PRSS36: variants seen among roughly 807,000 people sequenced by gnomAD.
The protein encoded by PRSS36 is polyserase-2.
PRSS36 carries 90 observed loss-of-function variants against 94.3 expected under a neutral mutation model. The ratio of observed to expected loss-of-function variants is 0.95; its 90% CI spans 0.80 to 1.14. The LOEUF (loss-of-function observed/expected upper bound fraction) is 1.14. Among genes scored for constraint, PRSS36 ranks in the 50% most tolerant of loss-of-function variants. PRSS36 has a pLI of 0.00. For synonymous variants in PRSS36, 500 were observed against 489.6 expected, an observed-to-expected ratio of 1.02 and a Z score of -0.28; for missense variants, 1,158 against 1,135.0, an observed-to-expected ratio of 1.02 and a Z score of -0.29.
rs1177231475 is a variant in PRSS36, at chr16:31,141,548, G to A, written c.1822C>T (p.His608Tyr). ...GVLWPWLAEV[H>Y]VAGDRVCTGI... Reference sequence around the variant, plus strand: ...GTGCAGACTCGATCACCAGCCACATGCACCTCTGCCAGCCAGGGCCACAGG... The same window carrying A: ...GTGCAGACTCGATCACCAGCCACATACACCTCTGCCAGCCAGGGCCACAGG... The change falls in exon 12 of 15, where the codon CAT becomes TAT. Residue 608 changes from histidine (H) to tyrosine (Y), a missense_variant. His to Tyr is a moderately conservative substitution (Grantham distance 83). Transcript: ENST00000268281. 1.2e-6 allele frequency: 2 copies of A among 1,613,352 alleles called. No individual in the cohort carries two copies. Among genetic ancestry groups the A allele is most frequent in the South Asian group, 1.1e-5 (1 of 91,080 alleles).
At chr16:31,143,879 C>G (rs779083237) in intron 6 of PRSS36, 42 bp from the exon 7 acceptor site, 1 of 1,608,430 alleles carries the variant, frequency 6.2e-7, no homozygotes, top group Non-Finnish European at 8.5e-7. Context: ...AGCCCAGGGA[C>G]CTACTCGAAA....
At chr16:31,142,258 C>G (rs1282632423) in intron 10 of PRSS36, among the ~76,000 whole-genome samples, 1 of 152,148 alleles carries the variant, frequency 6.6e-6, no homozygotes, top group Admixed American at 6.5e-5. Flanking sequence ...GCTTCCACCC[C>G]GGCTCCGCCC....
Position 31,139,128 on chromosome 16 carries a change from C to A in PRSS36, c.*10G>T. 6.5e-7 allele frequency: 1 copy of A among 1,538,398 alleles called. No individual in the cohort carries two copies. Among genetic ancestry groups the A allele is most frequent in the Non-Finnish European group, 8.8e-7 (1 of 1,140,112 alleles). ...GGAGAAGGGGGAAGTGGTGCTGGGA[C>A]CCTAGCCCCTCAGCTCTGGATCAGG... On this transcript the variant is annotated 3_prime_UTR_variant, in exon 15 of 15. Transcript: ENST00000268281.
intron 1 of PRSS36, 84 bp from the exon 2 acceptor site, chr16:31,149,815 G>C: frequency 6.3e-7 from 1 of 1,596,438 alleles, no homozygotes; most frequent in South Asian, 1.1e-5. Flanking sequence ...CAGCCTCCTA[G>C]CCTCCGTCTC....
At chr16:31,142,676 C>T in intron 9 of PRSS36, 32 bp from the exon 10 acceptor site, 1 of 1,397,622 alleles carries the variant, frequency 7.2e-7, no homozygotes, top group Non-Finnish European at 9.3e-7. Flanking sequence ...GCCCGCGCTG[C>T]GGCCCAGACG....
Position 31,145,818 on chromosome 16 carries a change from A to G in PRSS36, c.691T>C (p.Tyr231His). The G allele has an allele frequency of 6.2e-7, 1 of 1,613,882 alleles. No individual in the cohort carries two copies. The highest frequency in any genetic ancestry group is 8.5e-7 in the Non-Finnish European group (1 of 1,179,950). The change falls in exon 6 of 15, where the codon TAC becomes CAC. Residue 231 changes from tyrosine (Y) to histidine (H), a missense_variant. By Grantham distance (83) the Tyr-to-His change is moderately conservative. Coordinates refer to ENST00000268281, the MANE Select transcript of PRSS36 (RefSeq NM_173502.5). ...QILPGMLCAG[Y>H]PEGRRDTCQG... is the part of the protein sequence containing the mutation. ...CAGGTGTCCCTGCGGCCCTCTGGGT[A>G]GCCAGCACACAGCATCCCTGGCAAT...
In PRSS36 at chr16:31,148,536, C is replaced by T. The variant is rs1388947260; in HGVS notation, c.412G>A (p.Ala138Thr). The change falls in exon 5 of 15, where the codon GCC (alanine) becomes ACC (threonine). Residue 138 changes from alanine (A) to threonine (T), a missense_variant. Ala to Thr is a moderately conservative substitution (Grantham distance 58). Transcript: ENST00000268281. ...PANYSQVELG[A>T]DLALLRLASP... ...GCCAGGCGCAGCAGGGCCAGGTCGG[C>T]GCCCAGCTCCACTTGGCTGTAGTTG... The T allele has an allele frequency of 1.0e-5, 16 of 1,599,734 alleles. No homozygotes were observed. Among genetic ancestry groups the T allele is most frequent in the Non-Finnish European group, 1.4e-5 (16 of 1,175,978 alleles).
At chr16:31,144,432 C>T (rs1344610793) in intron 6 of PRSS36, among the ~76,000 whole-genome samples, 1 of 152,202 alleles carries the variant, frequency 6.6e-6, no homozygotes, top group African/African-American at 2.4e-5. Flanking sequence ...GCCTCGGTCT[C>T]CTAAAGTGCT....
chr16:31,140,199 A>AAG, intron 14 of PRSS36, 95 bp downstream of exon 14: 54 of 1,215,292 alleles, frequency 4.4e-5, no homozygotes, highest in Middle Eastern at 2.9e-4. Flanking sequence ...CAAAAAAAAA[A>AAG]AAAAAAAAAA....
rs1178004307 is a variant in PRSS36 at position 31,149,199 on chromosome 16, C to T, written c.146G>A (p.Gly49Glu). The change falls in exon 4 of 15, where the codon GGG becomes GAG. Residue 49 changes from glycine to glutamate, a missense_variant. Physicochemically the swap from Gly to Glu is moderately conservative, Grantham distance 98. Coordinates refer to ENST00000268281, the MANE Select transcript of PRSS36 (RefSeq NM_173502.5). Reference sequence around the variant, plus strand: ...GGTGCCCGGCTGCGCGTTTGAGCCCCCCACGATGCGGGCCGAGGGCTCAGG... The same window carrying T: ...GGTGCCCGGCTGCGCGTTTGAGCCCTCCACGATGCGGGCCGAGGGCTCAGG... ...GRPEPSARIV[G>E]GSNAQPGTWP... 1.9e-6 allele frequency: 3 copies of T among 1,567,792 alleles called. No homozygotes were observed. The highest frequency in any genetic ancestry group is 2.3e-5 in the South Asian group (2 of 85,508).
Position 31,141,537 on chromosome 16 carries a change from A to T in PRSS36, c.1833T>A (p.Gly611=). The T allele has an allele frequency of 6.2e-7, 1 of 1,611,966 alleles. No homozygotes were observed. Among genetic ancestry groups the T allele is most frequent in the Non-Finnish European group, 8.5e-7 (1 of 1,179,878 alleles). Residue 611 remains glycine (G), a synonymous_variant, in exon 12 of 15, where the codon GGT becomes GGA. Transcript: ENST00000268281. ...GGAGGATCCCAGTGCAGACTCGATC[A>T]CCAGCCACATGCACCTCTGCCAGCC... ...WPWLAEVHVA[G]DRVCTGILLA...
rs531616312 is a variant in PRSS36, at chr16:31,148,940, A to G, written c.272+133T>C. ...CACTCGGAACCATGATGCCTCGAAT[A>G]GCACCTCGCTTTGGGGACAGCTTGG... On this transcript the variant is annotated intron_variant, in intron 4 of 14. Transcript: ENST00000268281. 22 of 1,105,804 alleles carry G rather than the reference A, an allele frequency of 2.0e-5. No individual in the cohort carries two copies. In the East Asian group the frequency reaches 5.5e-4, roughly 28 times the overall value. 68.5% of individuals were successfully genotyped at this position (1,105,804 alleles called of 1,614,324 possible).
Position 31,140,743 on chromosome 16 carries a change from G to A in PRSS36, c.1916C>T (p.Thr639Ile), listed in dbSNP as rs867198284. The change falls in exon 13 of 15, where the codon ACA (threonine) becomes ATA (isoleucine). Residue 639 changes from threonine (T) to isoleucine (I), a missense_variant. Thr to Ile is a moderately conservative substitution (Grantham distance 89). Transcript: ENST00000268281. ...THCVLRPGST[T>I]VPYIEVYLGR... ...CAGATACACTTCAATGTAAGGCACTGTTGTAGAGCCTGGCCTGTTGGAACA... is the reference window on the plus strand; with the variant it reads ...CAGATACACTTCAATGTAAGGCACTATTGTAGAGCCTGGCCTGTTGGAACA... 3 of 1,614,026 alleles carry A rather than the reference G, an allele frequency of 1.9e-6. No homozygotes were observed. In the Middle Eastern group the frequency reaches 5.0e-4, roughly 266 times the overall value.
intron 2 of PRSS36, 56 bp downstream of exon 2, chr16:31,149,640 G>A (rs968771746): frequency 6.2e-7 from 1 of 1,611,942 alleles, no homozygotes; most frequent in Non-Finnish European, 8.5e-7. Flanking sequence ...ACCCATGCCA[G>A]TCCTCTGGTC....
rs2144051642 is a variant in PRSS36, at chr16:31,149,749, G to A, written c.38-18C>T. On this transcript the variant is annotated intron_variant, in intron 1 of 14. Coordinates refer to ENST00000268281, the MANE Select transcript of PRSS36 (RefSeq NM_173502.5). The stretch of plus-strand genomic sequence containing the variant: ...ACTGATGACTGGAAAGACAGAGGTA[G>A]GCAGGAAGAGGCTGGCGACTCGCAC... The A allele has an allele frequency of 6.2e-7, 1 of 1,614,164 alleles. No individual in the cohort carries two copies. The highest frequency in any genetic ancestry group is 8.5e-7 in the Non-Finnish European group (1 of 1,180,020).
At chr16:31,143,937 TC>T in intron 6 of PRSS36, 100 bp from the exon 7 acceptor site, 2 of 1,456,822 alleles carry the variant, frequency 1.4e-6, no homozygotes, top group Non-Finnish European at 1.9e-6. Context: ...TTCTCCCTTC[TC>T]CTAGAAACCC....
At position 31,148,564 on chromosome 16, in the gene PRSS36, C is replaced by T. The variant is rs765091682; in HGVS notation, c.384G>A (p.Pro128=). The change falls in exon 5 of 15, where the codon CCG becomes CCA. Residue 128 remains proline, a synonymous_variant. Transcript: ENST00000268281. Reference sequence around the variant, plus strand: ...CCAGCTCCACTTGGCTGTAGTTGGCCGGCACCACGATGGCGGCCACTGCGC... The same window carrying T: ...CCAGCTCCACTTGGCTGTAGTTGGCTGGCACCACGATGGCGGCCACTGCGC... ...HTRAVAAIVV[P]ANYSQVELGA... 2.4e-5 allele frequency: 39 copies of T among 1,608,130 alleles called. No individual in the cohort carries two copies. The highest frequency in any genetic ancestry group is 3.0e-5 in the Non-Finnish European group (35 of 1,178,290).
chr16:31,145,643 T>C, intron 6 of PRSS36, 146 bp downstream of exon 6: 1 of 822,126 alleles, frequency 1.2e-6, no homozygotes, highest in Non-Finnish European at 1.9e-6. Context: ...TGTCTCAAAA[T>C]ACACAAACAA....
At position 31,141,864 on chromosome 16, in the gene PRSS36, A is replaced by T. The variant is rs1371683236; in HGVS notation, c.1618T>A (p.Phe540Ile). 1 of 1,614,038 alleles carries T rather than the reference A, an allele frequency of 6.2e-7. No individual in the cohort carries two copies. Among genetic ancestry groups the T allele is most frequent in the Non-Finnish European group, 8.5e-7 (1 of 1,180,022 alleles). ...GGGCCATGAGTCTGCAGAGGGAAGA[A>T]GGCTCGGGGACGTAGACAGCCACTG... is the stretch of plus-strand genomic sequence containing the variant. Reference protein sequence around the residue: ...FPSGCLRPRAFFPLQTHGPWI... With the variant: ...FPSGCLRPRAIFPLQTHGPWI... Residue 540 changes from phenylalanine to isoleucine, a missense_variant, in exon 11 of 15, where the codon TTC becomes ATC. Phe to Ile is a conservative substitution (Grantham distance 21). Coordinates refer to ENST00000268281, the MANE Select transcript of PRSS36 (RefSeq NM_173502.5).
Sources: allele counts gnomAD v4.1 joint callset (sites outside exome capture counted in the v4.1 genomes callset), GRCh38; gene constraint gnomAD v4.1.1; transcripts MANE v1.5; gene names NCBI Gene and HGNC (gene_info 2026-07-23, HGNC 2026-07-21).